Variants in KCNC4 observed in about 807,000 individuals in gnomAD.
KCNC4 encodes voltage-gated potassium channel KCNC4.
A neutral mutation model predicts 42.8 loss-of-function variants in KCNC4; 23 were observed. The ratio of observed to expected loss-of-function variants is 0.54; its 90% CI spans 0.39 to 0.76. KCNC4 has a LOEUF of 0.76. Ranked by LOEUF, KCNC4 falls within the 30% of genes least tolerant of loss-of-function variation. The probability of loss-of-function intolerance (pLI) is 0.00; values close to 1 mark genes in which losing one functional copy is unlikely to be tolerated. For synonymous variants in KCNC4, 422 were observed against 393.5 expected (o/e 1.07, Z -0.86); for missense variants, 751 against 898.2 (o/e 0.84, Z 2.10).
At chr1:110,255,215 G>A (rs774391737) in intron 1 of KCNC4, among the ~76,000 whole-genome samples, 4 of 152,332 alleles carry the variant, frequency 2.6e-5, no homozygotes, top group Admixed American at 6.5e-5. Context: ...TGCCTAGATC[G>A]TCGGAGTTGG....
At position 110,211,584 on chromosome 1, in the gene KCNC4, A is replaced by C. The variant is rs1193654467; in HGVS notation, c.85A>C (p.Met29Leu). The change falls in exon 1 of 4, where the codon ATG becomes CTG. Residue 29 changes from methionine to leucine, a missense_variant. Met to Leu is a conservative substitution (Grantham distance 15). Coordinates refer to ENST00000438661, the MANE Select transcript of KCNC4 (RefSeq NM_001039574.3). The surrounding 1 kb of genome is among the most constrained non-coding windows in gnomAD (Gnocchi z 6.5). ...GTCCAAAACATGTCTGAAGGAGGAGATGGCCAAGGGCGAGGCGTCGGAGAA... is the reference window on the plus strand; with the variant it reads ...GTCCAAAACATGTCTGAAGGAGGAGCTGGCCAAGGGCGAGGCGTCGGAGAA... ...PPSKTCLKEE[M>L]AKGEASEKII... 2 of 1,613,960 alleles carry C rather than the reference A, an allele frequency of 1.2e-6. No homozygotes were observed. The highest frequency in any genetic ancestry group is 1.7e-6 in the Non-Finnish European group (2 of 1,179,994).
rs1170497454 is a variant in KCNC4 at position 110,210,580 on chromosome 1, G to A, written c.-920G>A. ...CCCGGGAAGCCTGCAGGTGTCCTTG[G>A]CCGCTCGGCCGCCGCCCCCGGTACA... On this transcript the variant is annotated 5_prime_UTR_variant, in exon 1 of 4. Coordinates refer to ENST00000438661, the MANE Select transcript of KCNC4 (RefSeq NM_001039574.3). 6.6e-6 allele frequency among the ~76,000 whole-genome samples: 1 copy of A among 151,580 alleles called. No individual in the cohort carries two copies. Among genetic ancestry groups the A allele is most frequent in the Non-Finnish European group, 1.5e-5 (1 of 67,820 alleles).
At position 110,226,016 on chromosome 1, in the gene KCNC4, G is replaced by A. The variant is rs1321561713; in HGVS notation, c.1657G>A (p.Glu553Lys). ...CGATGCCAACGCAGTGCTGTCTGAT[G>A]AGGAGGGAGCTGGCCTCACCCAACC... is the stretch of plus-strand genomic sequence containing the variant. ...NGDANAVLSD[E>K]EGAGLTQPLA... is the part of the protein sequence containing the mutation. Residue 553 changes from glutamate to lysine, a missense_variant, in exon 3 of 4, where the codon GAG becomes AAG. Coordinates refer to ENST00000438661, the MANE Select transcript of KCNC4 (RefSeq NM_001039574.3). 1.9e-6 allele frequency: 3 copies of A among 1,612,080 alleles called. No individual in the cohort carries two copies. The highest frequency in any genetic ancestry group is 2.5e-6 in the Non-Finnish European group (3 of 1,178,762).
At chr1:110,224,150 A>G in intron 2 of KCNC4, 1 of 488,666 alleles carries the variant, frequency 2.0e-6, no homozygotes, top group Non-Finnish European at 3.6e-6. Flanking sequence ...TGGGCAGTAC[A>G]TGGGGCTGTA....
At chr1:110,218,077 A>G (rs1657895760) in intron 1 of KCNC4, among the ~76,000 whole-genome samples, 1 of 151,794 alleles carries the variant, frequency 6.6e-6, no homozygotes. Context: ...GAGTCTCCTT[A>G]TGTTTATCTG....
intron 1 of KCNC4, among the ~76,000 whole-genome samples, chr1:110,261,131 T>C (rs1330906708): frequency 1.3e-5 from 2 of 149,366 alleles, no homozygotes; most frequent in Non-Finnish European, 3.0e-5. Context: ...TCATTGATGC[T>C]TGAAGTCATT....
chr1:110,232,871 G>C, intron 3 of KCNC4, 40 bp from the exon 4 acceptor site: 3 of 1,590,112 alleles, frequency 1.9e-6, no homozygotes, highest in East Asian at 2.3e-5. Flanking sequence ...AGCCGAAAGC[G>C]TGCGTCCCAG....
At chr1:110,267,273 C>A (rs4838973) in intron 1 of KCNC4, among the ~76,000 whole-genome samples, 2 of 151,978 alleles carry the variant, frequency 1.3e-5, no homozygotes, top group African/African-American at 4.8e-5. Context: ...GCAGAAGAAC[C>A]ATGTGCTTGC....
exon 4 of KCNC4, chr1:110,246,750 T>C (rs576834301): frequency 7.9e-6 from 1 of 126,846 alleles, no homozygotes; most frequent in Non-Finnish European, 1.7e-5. Context: ...TGAAGTCTTT[T>C]CTTTCTTTTT....
At chr1:110,225,882 A>T in intron 2 of KCNC4, 93 bp from the exon 3 acceptor site, 1 of 1,217,862 alleles carries the variant, frequency 8.2e-7, no homozygotes, top group Non-Finnish European at 1.2e-6. Context: ...AAGGTTGAGG[A>T]AGTAACACTC....
chr1:110,266,109 T>C (rs957316241), intron 1 of KCNC4, among the ~76,000 whole-genome samples: 2 of 152,098 alleles, frequency 1.3e-5, no homozygotes, highest in African/African-American at 2.4e-5. Context: ...TCTGCTTAAG[T>C]ACAATTCACC....
chr1:110,275,940 AAG>A (rs1460672205), intron 1 of KCNC4, among the ~76,000 whole-genome samples: 5 of 142,246 alleles, frequency 3.5e-5, no homozygotes, highest in African/African-American at 1.1e-4. Context: ...CCTGGGTGAA[AAG>A]AGACTCCGCC....
At chr1:110,278,718 A>T (rs1231276152) in intron 1 of KCNC4, among the ~76,000 whole-genome samples, 3 of 152,120 alleles carry the variant, frequency 2.0e-5, no homozygotes, top group Non-Finnish European at 4.4e-5. Flanking sequence ...CTTCCTAGCC[A>T]AGCAGACCCA....
chr1:110,234,260 C>T (rs566131921), downstream of KCNC4: 1 of 152,222 alleles, frequency 6.6e-6, no homozygotes, highest in African/African-American at 2.4e-5. Flanking sequence ...ACCCAGGACC[C>T]CGAGACCCAA....
intron 3 of KCNC4, among the ~76,000 whole-genome samples, chr1:110,230,068 G>A (rs1234271969): frequency 6.6e-6 from 1 of 152,174 alleles, no homozygotes; most frequent in Non-Finnish European, 1.5e-5. Context: ...ATGGGGTTGG[G>A]GGTGTTGTGT....
intron 1 of KCNC4, among the ~76,000 whole-genome samples, chr1:110,273,265 C>T (rs1659665578): frequency 6.6e-6 from 1 of 152,164 alleles, no homozygotes; most frequent in Admixed American, 6.5e-5. Context: ...AGATATGGGC[C>T]TGACCCTAGG....
chr1:110,273,789 C>T (rs1009229267), intron 1 of KCNC4, among the ~76,000 whole-genome samples: 27 of 152,150 alleles, frequency 1.8e-4, no homozygotes, highest in Admixed American at 1.6e-3. Context: ...AAGCCACTCA[C>T]CTAGGAGTAG....
chr1:110,227,991 T>G (rs1403571316), intron 3 of KCNC4, among the ~76,000 whole-genome samples: 1 of 152,102 alleles, frequency 6.6e-6, no homozygotes, highest in Non-Finnish European at 1.5e-5. Flanking sequence ...GGCATGTAGC[T>G]CAGCCAATTA....
At chr1:110,259,152 A>G (rs370454569) in intron 1 of KCNC4, among the ~76,000 whole-genome samples, 69 of 152,306 alleles carry the variant, frequency 4.5e-4, no homozygotes, top group African/African-American at 1.3e-3. Context: ...ACAGTAAGCC[A>G]AAGGCTGGGC....
Sources: gnomAD v4.1 joint callset for allele counts (sites outside exome capture counted in the v4.1 genomes callset) on GRCh38, gnomAD v4.1.1 for gene constraint, Gnocchi (gnomAD v3.1) non-coding constraint, MANE v1.5 for transcripts, NCBI Gene and HGNC (gene_info 2026-07-23, HGNC 2026-07-21) for gene names.